Variants in HDAC9 observed in about 807,000 individuals in gnomAD.
HDAC9 encodes MEF-2 interacting transcription repressor (MITR) protein.
A neutral mutation model predicts 139.4 loss-of-function variants in HDAC9; 41 were observed. The observed-to-expected ratio is 0.29, with a 90% CI of 0.23 to 0.38. HDAC9 has a LOEUF of 0.38. HDAC9 is among the 10% of genes least tolerant of loss of function. The pLI is 1.00. For missense variants in HDAC9, 1,147 were observed against 1,297.0 expected (o/e 0.88, Z 1.78); for synonymous variants, 517 against 476.2 (o/e 1.09, Z -1.12).
chr7:18,279,410 A>G (rs569486176), intron 2 of HDAC9, among the ~76,000 whole-genome samples: 1 of 151,900 alleles, frequency 6.6e-6, no homozygotes, highest in East Asian at 1.9e-4. Context: ...TGACATCATG[A>G]TGAAGATGAT....
At chr7:18,212,805 C>T (rs1792039688) in intron 2 of HDAC9, among the ~76,000 whole-genome samples, 1 of 152,186 alleles carries the variant, frequency 6.6e-6, no homozygotes, top group South Asian at 2.1e-4. Flanking sequence ...CAAAGTGTCA[C>T]ATAAACCTTT....
intron 21 of HDAC9, among the ~76,000 whole-genome samples, chr7:18,841,041 T>C (rs1213997915): frequency 2.0e-5 from 3 of 152,146 alleles, no homozygotes; most frequent in Non-Finnish European, 4.4e-5. Context: ...CTTAGAATGG[T>C]TGGGTTTACC....
At chr7:18,296,782 T>C (rs1315610174) in intron 1 of HDAC9, among the ~76,000 whole-genome samples, 1 of 152,128 alleles carries the variant, frequency 6.6e-6, no homozygotes, top group African/African-American at 2.4e-5. Flanking sequence ...TAGAAAGAAG[T>C]AGACATTTCT....
In HDAC9 at chr7:18,632,071, GA is replaced by G. The variant is rs142075661; in HGVS notation, c.797-2555del. ...TTTTAAAAAATATGGAAATGGAAATGATATGGAAATGAGACATTAATGAGAA... is the reference window on the plus strand; with the variant it reads ...TTTTAAAAAATATGGAAATGGAAATGTATGGAAATGAGACATTAATGAGAA... On this transcript the variant is annotated intron_variant, in intron 7 of 25. Coordinates refer to ENST00000686413, the MANE Select transcript of HDAC9 (RefSeq NM_178425.4). Among the ~76,000 whole-genome samples the G allele has an allele frequency of 5.9e-3, 898 of 151,904 alleles. 5 individuals carry two copies. Among genetic ancestry groups the G allele is most frequent in the African/African-American group, 0.021 (855 of 41,458 alleles).
chr7:18,204,553 C>T (rs537445328), intron 2 of HDAC9, among the ~76,000 whole-genome samples: 8 of 151,784 alleles, frequency 5.3e-5, no homozygotes, highest in African/African-American at 1.9e-4. Flanking sequence ...GAACAGTGAT[C>T]GTTGTTGCTT....
intron 4 of HDAC9, among the ~76,000 whole-genome samples, chr7:18,591,085 A>G (rs982734288): frequency 6.6e-6 from 1 of 152,188 alleles, no homozygotes; most frequent in Non-Finnish European, 1.5e-5. Context: ...TTAAAAACTA[A>G]GGTTTTCAAA....
intron 1 of HDAC9, chr7:18,325,577 TCA>T (rs1800376366): frequency 1.3e-5 from 2 of 152,154 alleles, no homozygotes; most frequent in South Asian, 4.2e-4. Flanking sequence ...TCCTCCTACC[TCA>T]GCCTCCCAAA....
At chr7:18,144,917 C>T (rs1389874425) in intron 1 of HDAC9, among the ~76,000 whole-genome samples, 1 of 152,198 alleles carries the variant, frequency 6.6e-6, no homozygotes, top group Non-Finnish European at 1.5e-5. Context: ...CCTTGTGATA[C>T]TGTATGTTTA....
intron 1 of HDAC9, among the ~76,000 whole-genome samples, chr7:18,332,388 TGTGTGAGA>T (rs376354280): frequency 1.5e-4 from 18 of 122,408 alleles, no homozygotes; most frequent in African/African-American, 5.5e-4. Flanking sequence ...TGTGTGTGTG[TGTGTGAGA>T]GAGAGAGAGA....
At chr7:18,174,218 C>T (rs1483127675) in intron 2 of HDAC9, among the ~76,000 whole-genome samples, 1 of 152,224 alleles carries the variant, frequency 6.6e-6, no homozygotes, top group Admixed American at 6.5e-5. Context: ...TCACTGATAC[C>T]TTTTCTTCCA....
intron 21 of HDAC9, among the ~76,000 whole-genome samples, chr7:18,869,147 G>GGTGTGTGTGTGTGTGTGTGTGTGT (rs58034239): frequency 4.3e-5 from 6 of 138,128 alleles, no homozygotes; most frequent in African/African-American, 1.7e-4. Context: ...TCACAATTGG[G>GGTGTGTGTGTGTGTGTGTGTGTGT]GTGTGTGTGT....
At chr7:18,152,440 G>C (rs909063205) in intron 1 of HDAC9, among the ~76,000 whole-genome samples, 4 of 152,006 alleles carry the variant, frequency 2.6e-5, no homozygotes, top group African/African-American at 9.7e-5. Flanking sequence ...TTTCTTAATT[G>C]TTCATATGCA....
At chr7:18,926,317 A>G (rs1203913789) in intron 22 of HDAC9, among the ~76,000 whole-genome samples, 1 of 152,186 alleles carries the variant, frequency 6.6e-6, no homozygotes, top group Non-Finnish European at 1.5e-5. Flanking sequence ...ACTACACTCC[A>G]GCCTGGATGA....
intron 2 of HDAC9, among the ~76,000 whole-genome samples, chr7:18,235,226 AAG>A (rs1397261640): frequency 6.6e-6 from 1 of 152,210 alleles, no homozygotes; most frequent in Non-Finnish European, 1.5e-5. Flanking sequence ...TGGTATAAAA[AAG>A]AGAAAATCTT....
chr7:18,336,320 A>G (rs1045580691), intron 1 of HDAC9, among the ~76,000 whole-genome samples: 6 of 151,702 alleles, frequency 4.0e-5, no homozygotes, highest in Admixed American at 1.3e-4. Flanking sequence ...TCCATGTGCT[A>G]TATCCTAACC....
At chr7:18,839,582 A>G (rs756899486) in intron 21 of HDAC9, among the ~76,000 whole-genome samples, 2 of 152,116 alleles carry the variant, frequency 1.3e-5, no homozygotes, top group Non-Finnish European at 2.9e-5. Context: ...AATGTTGTCA[A>G]TGGGAGCATT....
At chr7:18,947,064 A>G (rs769649746) in intron 23 of HDAC9, among the ~76,000 whole-genome samples, 1 of 152,050 alleles carries the variant, frequency 6.6e-6, no homozygotes, top group African/African-American at 2.4e-5. Context: ...AATACTAGAA[A>G]GTATTCTGAA....
At chr7:18,503,158 A>G (rs1798841253) in intron 2 of HDAC9, among the ~76,000 whole-genome samples, 1 of 152,214 alleles carries the variant, frequency 6.6e-6, no homozygotes, top group South Asian at 2.1e-4. Context: ...AAGAAATTCA[A>G]AAATATGTTG....
At chr7:18,391,006 T>C (rs1786425105) in intron 1 of HDAC9, among the ~76,000 whole-genome samples, 1 of 152,120 alleles carries the variant, frequency 6.6e-6, no homozygotes, top group Non-Finnish European at 1.5e-5. Context: ...GGAGAGTTGC[T>C]TGAACCCGGG....
Sources: gnomAD v4.1 joint callset for allele counts (sites outside exome capture counted in the v4.1 genomes callset) on GRCh38, gnomAD v4.1.1 for gene constraint, MANE v1.5 for transcripts, NCBI Gene and HGNC (gene_info 2026-07-23, HGNC 2026-07-21) for gene names.